PI4KA: variants seen among roughly 807,000 people sequenced by gnomAD.
PI4KA encodes phosphatidylinositol 4-kinase alpha.
PI4KA carries 122 observed loss-of-function variants against 271.4 expected under a neutral mutation model. The observed-to-expected ratio is 0.45, with a 90% CI of 0.39 to 0.52. PI4KA has a LOEUF of 0.52. Ranked by LOEUF, PI4KA falls within the 20% of genes least tolerant of loss-of-function variation. The probability of loss-of-function intolerance (pLI) is 0.00; values close to 1 mark genes in which losing one functional copy is unlikely to be tolerated. For synonymous variants in PI4KA, 1,041 were observed against 1,078.8 expected (o/e 0.96, Z 0.69); for missense variants, 1,969 against 2,769.1 (o/e 0.71, Z 6.48).
chr22:20,767,348 G>A (rs1932627207), intron 19 of PI4KA, among the ~76,000 whole-genome samples: 1 of 152,046 alleles, frequency 6.6e-6, no homozygotes, highest in Non-Finnish European at 1.5e-5. Flanking sequence ...GGAGGCTGAG[G>A]CAGGAGAATG....
At chr22:20,821,589 T>TTTTGTTTG (rs361536) in intron 4 of PI4KA, among the ~76,000 whole-genome samples, 70,389 of 150,502 alleles carry the variant, frequency 0.47, 17,006 homozygotes, top group African/African-American at 0.58. Flanking sequence ...ATCCCAGCAC[T>TTTTGTTTG]TTTGTTTGTT....
At chr22:20,727,899 C>G (rs371490531) in intron 39 of PI4KA, 35 bp from the exon 40 acceptor site, 159 of 1,541,712 alleles carry the variant, frequency 1.0e-4, no homozygotes, top group Middle Eastern at 1.7e-4. Context: ...GGTGCTGCCT[C>G]GCCAGGGAAC....
At chr22:20,785,883 T>G (rs990531543) in intron 19 of PI4KA, 4 of 1,379,658 alleles carry the variant, frequency 2.9e-6, no homozygotes, top group Admixed American at 3.4e-5. Flanking sequence ...AATATAAATT[T>G]TAATAAGTGC....
At chr22:20,782,705 T>C (rs178038) in intron 19 of PI4KA, among the ~76,000 whole-genome samples, 47,987 of 151,906 alleles carry the variant, frequency 0.32, 7,806 homozygotes, top group East Asian at 0.43. Flanking sequence ...ACCTGGGGGG[T>C]TGGAGTAAGC....
intron 32 of PI4KA, among the ~76,000 whole-genome samples, chr22:20,737,883 G>A (rs938388867): frequency 1.3e-5 from 2 of 152,094 alleles, no homozygotes; most frequent in African/African-American, 2.4e-5. Context: ...CACCCGCCTC[G>A]GCCTCCCAAA....
chr22:20,798,792 A>AAAC, intron 16 of PI4KA, 105 bp from the exon 17 acceptor site: 1 of 790,420 alleles, frequency 1.3e-6, no homozygotes, highest in Admixed American at 2.0e-5. Flanking sequence ...ACAACAGCCC[A>AAAC]AAGACTATCA....
rs1440822908 is a variant in PI4KA at position 20,798,691 on chromosome 22, GGA to G, written c.2005-6_2005-5del. The G allele has an allele frequency of 2.1e-5, 34 of 1,597,636 alleles. No individual in the cohort carries two copies. Among genetic ancestry groups the G allele is most frequent in the Non-Finnish European group, 2.9e-5 (34 of 1,165,118 alleles). On this transcript the variant is annotated splice_region_variant and splice_polypyrimidine_tract_variant and intron_variant, in intron 16 of 54. Coordinates refer to ENST00000255882, the MANE Select transcript of PI4KA (RefSeq NM_058004.4). Reference sequence around the variant, plus strand: ...ACACTTCCTGATAGATGTATTGCTGGGAGAGAGCAAGATGCACTGTCACCATG... The same window carrying G: ...ACACTTCCTGATAGATGTATTGCTGGGAGAGCAAGATGCACTGTCACCATG...
Position 20,784,062 on chromosome 22 carries a change from A to C in PI4KA, c.2328+9131T>G, listed in dbSNP as rs1057524779. 15 of 1,614,086 alleles carry C rather than the reference A, an allele frequency of 9.3e-6. No homozygotes were observed. Among genetic ancestry groups the C allele is most frequent in the African/African-American group, 1.3e-5 (1 of 74,918 alleles). Reference sequence around the variant, plus strand: ...GAGGTAGTTAAGGTTTCCATGATGCAGACCAAGGGGAACTTCCTCGCAGCA... The same window carrying C: ...GAGGTAGTTAAGGTTTCCATGATGCCGACCAAGGGGAACTTCCTCGCAGCA... On this transcript the variant is annotated intron_variant, in intron 19 of 54. Transcript: ENST00000255882.
chr22:20,838,707 G>C lies in PI4KA; in HGVS notation c.181C>G (p.Pro61Ala). 1 of 1,612,064 alleles carries C rather than the reference G, an allele frequency of 6.2e-7. No individual in the cohort carries two copies. The highest frequency in any genetic ancestry group is 1.3e-5 in the African/African-American group (1 of 74,944). The change falls in exon 2 of 55, where the codon CCA becomes GCA. Residue 61 changes from proline to alanine, a missense_variant. Physicochemically the swap from Pro to Ala is conservative, Grantham distance 27 (BLOSUM62 -1). This residue lies in a region of PI4KA where 540 missense variants were observed against 555.5 expected (regional missense o/e 0.97). Coordinates refer to ENST00000255882, the MANE Select transcript of PI4KA (RefSeq NM_058004.4). ...EKVQKLLCMC[P>A]VDFHGIFQLD... ...TGGAAGATCCCATGGAAATCCACTG[G>C]ACACATGCAAAGAAGCTTTTGGACC...
intron 22 of PI4KA, among the ~76,000 whole-genome samples, chr22:20,764,086 C>G (rs1932271786): frequency 6.6e-6 from 1 of 152,188 alleles, no homozygotes; most frequent in Admixed American, 6.5e-5. Context: ...GCATCCCTCC[C>G]GACTTAAGCT....
chr22:20,764,657 G>T, intron 22 of PI4KA, 160 bp downstream of exon 22: 1 of 622,622 alleles, frequency 1.6e-6, no homozygotes, highest in Non-Finnish European at 2.7e-6. Flanking sequence ...TCATGAAGGA[G>T]GGGCATACGA....
chr22:20,753,419 T>G (rs1401299860), intron 23 of PI4KA, among the ~76,000 whole-genome samples: 1 of 152,186 alleles, frequency 6.6e-6, no homozygotes, highest in Non-Finnish European at 1.5e-5. Context: ...AGACTTCGTC[T>G]GGATTTCCCA....
intron 23 of PI4KA, 104 bp from the exon 24 acceptor site, chr22:20,753,284 G>A (rs907048232): frequency 1.9e-6 from 2 of 1,054,590 alleles, no homozygotes; most frequent in Admixed American, 2.0e-5. Flanking sequence ...ACAGAGAGTG[G>A]CAAAGACAGC....
intron 1 of PI4KA, among the ~76,000 whole-genome samples, chr22:20,844,340 T>G (rs1235955935): frequency 2.6e-5 from 4 of 152,184 alleles, no homozygotes; most frequent in Non-Finnish European, 4.4e-5. Context: ...AAAGCAGGGT[T>G]TAACTACACT....
chr22:20,827,945 C>G (rs866636149), intron 3 of PI4KA, among the ~76,000 whole-genome samples: 3 of 152,144 alleles, frequency 2.0e-5, no homozygotes, highest in African/African-American at 7.2e-5. Context: ...CAGGCGTGCA[C>G]TACCATGCCC....
intron 28 of PI4KA, among the ~76,000 whole-genome samples, chr22:20,748,385 C>T (rs1248625927): frequency 6.6e-6 from 1 of 152,170 alleles, no homozygotes; most frequent in Non-Finnish European, 1.5e-5. Context: ...AGCCTCGGTT[C>T]TCTACTGCAG....
intron 30 of PI4KA, among the ~76,000 whole-genome samples, chr22:20,743,718 C>T (rs1929731600): frequency 6.6e-6 from 1 of 152,144 alleles, no homozygotes; most frequent in African/African-American, 2.4e-5. Context: ...CCACTCAGAC[C>T]AGGCCACTGA....
In PI4KA at chr22:20,832,503, A is replaced by G. The variant is rs370836546; in HGVS notation, c.367+2059T>C. ...GAGTCTCACTCTGTTACCCAGGCTG[A>G]AGTGCAGTGGCATGATCTCAGCTCA... On this transcript the variant is annotated intron_variant, in intron 3 of 54. Transcript: ENST00000255882. Among the ~76,000 whole-genome samples, 17 of 148,986 alleles carry G rather than the reference A, an allele frequency of 1.1e-4. No individual in the cohort carries two copies. The South Asian group carries it at 3.0e-3, about 26-fold the overall frequency.
At chr22:20,773,229 T>C (rs1932975848) in intron 19 of PI4KA, among the ~76,000 whole-genome samples, 1 of 151,554 alleles carries the variant, frequency 6.6e-6, no homozygotes, top group South Asian at 2.1e-4. Flanking sequence ...CTACTAAAAA[T>C]ACAAAAAATT....
Sources: gnomAD v4.1 joint callset for allele counts (sites outside exome capture counted in the v4.1 genomes callset) on GRCh38, gnomAD v4.1.1 for gene constraint, gnomAD v4.1.1 regional missense constraint, MANE v1.5 for transcripts, NCBI Gene and HGNC (gene_info 2026-07-23, HGNC 2026-07-21) for gene names.